Variants in RXYLT1 observed in about 807,000 individuals in gnomAD.
The protein encoded by RXYLT1 is ribitol xylosyltransferase 1, also known as ribitol-5-phosphate xylosyltransferase 1.
A neutral mutation model predicts 43.5 loss-of-function variants in RXYLT1; 41 were observed. The observed-to-expected ratio is 0.94, with a 90% confidence interval of 0.73 to 1.22. RXYLT1 has a LOEUF of 1.22. Among genes scored for constraint, RXYLT1 ranks in the 50% most tolerant of loss-of-function variants. The pLI, the probability that RXYLT1 is intolerant of heterozygous loss-of-function variation, is 0.00. For missense variants in RXYLT1, 514 were observed against 532.0 expected, an observed-to-expected ratio of 0.97 and a Z score of 0.33; for synonymous variants, 166 against 194.4, an observed-to-expected ratio of 0.85 and a Z score of 1.21.
chr12:63,800,565 T>A (rs534484490), intron 3 of RXYLT1, among the ~76,000 whole-genome samples: 1 of 152,228 alleles, frequency 6.6e-6, no homozygotes. Context: ...GCACTTAATA[T>A]GAAAAAAATG....
At chr12:63,807,491 C>CT (rs1282139236) in intron 5 of RXYLT1, 6 of 152,364 alleles carry the variant, frequency 3.9e-5, no homozygotes, top group Admixed American at 2.0e-4. Flanking sequence ...CTCCTACACT[C>CT]TAACACCTCC....
intron 2 of RXYLT1, among the ~76,000 whole-genome samples, chr12:63,782,209 GAC>G (rs1897701075): frequency 6.6e-6 from 1 of 151,740 alleles, no homozygotes; most frequent in South Asian, 2.1e-4. Flanking sequence ...CTATTCTCTA[GAC>G]ACAGTTATAA....
Position 63,802,406 on chromosome 12 carries a change from G to C in RXYLT1, c.743+1G>C. The stretch of plus-strand genomic sequence containing the variant: ...TTCAGTGGCCTTTAGGAGTAGCAAC[G>C]TAAGTACAAAATATGATTAAACATT... On this transcript the variant is annotated splice_donor_variant, in intron 4 of 5. Coordinates refer to ENST00000261234, the MANE Select transcript of RXYLT1 (RefSeq NM_014254.3). LOFTEE classifies it high-confidence loss of function. The C allele has an allele frequency of 1.9e-6, 3 of 1,558,812 alleles. No individual in the cohort carries two copies. The African/African-American group carries it at 4.2e-5, about 22-fold the overall frequency.
chr12:63,802,287 G>T lies in RXYLT1; in HGVS notation c.625G>T (p.Glu209Ter). The T allele has an allele frequency of 6.2e-7, 1 of 1,614,106 alleles. No individual in the cohort carries two copies. Among genetic ancestry groups the T allele is most frequent in the Non-Finnish European group, 8.5e-7 (1 of 1,180,004 alleles). ...VLLGNEHCDN[E>*]WINPFLKRNG... The stretch of plus-strand genomic sequence containing the variant: ...GCTCGGAAATGAACATTGTGATAAT[G>T]AGTGGATAAACCCATTCCTCAAAAG... The change falls in exon 4 of 6, where the codon GAG (glutamate) becomes TAG (stop). Residue 209 changes from glutamate to a stop codon, truncating the protein, a stop_gained. Coordinates refer to ENST00000261234, the MANE Select transcript of RXYLT1 (RefSeq NM_014254.3). LOFTEE classifies it high-confidence loss of function.
chr12:63,795,835 G>T (rs928493154), intron 3 of RXYLT1: 6 of 152,030 alleles, frequency 3.9e-5, no homozygotes, highest in African/African-American at 1.2e-4. Context: ...GGAAATTATT[G>T]TTTTTTAATA....
chr12:63,807,257 C>T (rs1179049829), intron 5 of RXYLT1: 1 of 152,180 alleles, frequency 6.6e-6, no homozygotes, highest in Non-Finnish European at 1.5e-5. Flanking sequence ...TTGCCTATAC[C>T]TTCAGCTCCC....
Position 63,805,348 on chromosome 12 carries a change from G to A in RXYLT1, c.858G>A (p.Met286Ile), listed in dbSNP as rs373899387. 1.3e-5 allele frequency: 21 copies of A among 1,610,840 alleles called. No homozygotes were observed. The highest frequency in any genetic ancestry group is 1.7e-5 in the Non-Finnish European group (20 of 1,179,022). The change falls in exon 5 of 6, where the codon ATG becomes ATA. Residue 286 changes from methionine to isoleucine, a missense_variant. Physicochemically the swap from Met to Ile is conservative, Grantham distance 10 (BLOSUM62 1). Coordinates refer to ENST00000261234, the MANE Select transcript of RXYLT1 (RefSeq NM_014254.3). The part of the protein sequence containing the change: ...IYENSSRQAL[M>I]NILKKDGNDK... ...AAAATTCATCCAGACAGGCACTAAT[G>A]AACATTTTGAAAAAAGATGGGAACG...
At chr12:63,808,557 C>A in intron 5 of RXYLT1, 118 bp from the exon 6 acceptor site, 1 of 1,134,526 alleles carries the variant, frequency 8.8e-7, no homozygotes. Flanking sequence ...TTATGCCTAT[C>A]ATCTCTATAA....
chr12:63,781,036 AG>A lies in RXYLT1; in HGVS notation c.188del (p.Ser63MetfsTer26). The A allele has an allele frequency of 6.2e-7, 1 of 1,600,588 alleles. No homozygotes were observed. Among genetic ancestry groups the A allele is most frequent in the Non-Finnish European group, 8.5e-7 (1 of 1,174,882 alleles). On this transcript the variant is annotated frameshift_variant, in exon 2 of 6. Coordinates refer to ENST00000261234, the MANE Select transcript of RXYLT1 (RefSeq NM_014254.3). LOFTEE classifies it high-confidence loss of function. ...RRGREQSTLE[S>X]EEWNPWEGDE... is the part of the protein sequence containing the mutation. ...TAAAACAGAACAGTCCACTTTGGAA[AG>A]TGAAGAATGGAATCCTTGGGAAGGA... is the stretch of plus-strand genomic sequence containing the variant.
At chr12:63,798,429 TAACA>T (rs1001802955) in intron 3 of RXYLT1, among the ~76,000 whole-genome samples, 5 of 152,256 alleles carry the variant, frequency 3.3e-5, no homozygotes, top group Non-Finnish European at 7.3e-5. Context: ...GCAGTTTGAC[TAACA>T]AACTTTCCAA....
rs760997364 is a variant in RXYLT1, at chr12:63,805,345, A to G, written c.855A>G (p.Leu285=). 9.9e-6 allele frequency: 16 copies of G among 1,611,914 alleles called. 1 individual carries two copies. In the South Asian group the frequency reaches 1.4e-4, roughly 14 times the overall value. Residue 285 remains leucine (L), a synonymous_variant, in exon 5 of 6, where the codon CTA becomes CTG. Coordinates refer to ENST00000261234, the MANE Select transcript of RXYLT1 (RefSeq NM_014254.3). ...ATGAAAATTCATCCAGACAGGCACT[A>G]ATGAACATTTTGAAAAAAGATGGGA... ...TIYENSSRQA[L]MNILKKDGND...
chr12:63,780,355 G>A, intron 1 of RXYLT1: 1 of 1,287,428 alleles, frequency 7.8e-7, no homozygotes, highest in Non-Finnish European at 9.8e-7. Flanking sequence ...CGATCCCAGG[G>A]GGTGACAGGC....
chr12:63,785,072 G>C lies in RXYLT1; in HGVS notation c.428G>C (p.Ser143Thr). The change falls in exon 3 of 6, where the codon AGC (serine) becomes ACC (threonine). Residue 143 changes from serine to threonine, a missense_variant and splice_region_variant. By Grantham distance (58) the Ser-to-Thr change is moderately conservative (BLOSUM62 1). Transcript: ENST00000261234. ...TCAATCGTAGGAAGAACACAGTACA[G>C]GTATTGGTTGTATTAGTTGTGCAAC... ...GKSIVGRTQY[S>T]FITGPAVIPG... 6.2e-7 allele frequency: 1 copy of C among 1,605,050 alleles called. No individual in the cohort carries two copies.
intron 3 of RXYLT1, among the ~76,000 whole-genome samples, chr12:63,792,845 A>G (rs764683225): frequency 1.3e-5 from 2 of 152,238 alleles, no homozygotes; most frequent in Non-Finnish European, 2.9e-5. Context: ...ATTAGTCCAC[A>G]TCATCTACAA....
intron 3 of RXYLT1, among the ~76,000 whole-genome samples, chr12:63,793,099 TTTAGAAATTC>T (rs1461524730): frequency 6.6e-6 from 1 of 152,250 alleles, no homozygotes; most frequent in Non-Finnish European, 1.5e-5. Flanking sequence ...TGGGGTCATT[TTTAGAAATTC>T]TTATCTATGC....
chr12:63,804,139 C>T (rs1456394085), intron 4 of RXYLT1: 2 of 152,212 alleles, frequency 1.3e-5, no homozygotes, highest in Non-Finnish European at 2.9e-5. Flanking sequence ...AGGCATGAGC[C>T]ACTGTGCCTG....
chr12:63,796,947 ATTTCTT>A (rs1565903939), intron 3 of RXYLT1, among the ~76,000 whole-genome samples: 1 of 146,972 alleles, frequency 6.8e-6, no homozygotes, highest in African/African-American at 2.5e-5. Context: ...AGAAAATTAT[ATTTCTT>A]TTTCTTTTTC....
intron 2 of RXYLT1, 47 bp downstream of exon 2, chr12:63,781,221 G>T: frequency 2.2e-6 from 3 of 1,353,414 alleles, no homozygotes; most frequent in Non-Finnish European, 2.9e-6. Flanking sequence ...ATTATAAAAT[G>T]TATTTTATTG....
intron 2 of RXYLT1, among the ~76,000 whole-genome samples, chr12:63,784,353 T>G (rs939718929): frequency 3.9e-5 from 6 of 152,148 alleles, no homozygotes; most frequent in Admixed American, 3.9e-4. Flanking sequence ...AGTGCCTCAT[T>G]GAGTAACACT....
Sources: allele counts gnomAD v4.1 joint callset (sites outside exome capture counted in the v4.1 genomes callset), GRCh38; gene constraint gnomAD v4.1.1; transcripts MANE v1.5; gene names NCBI Gene and HGNC (gene_info 2026-07-23, HGNC 2026-07-21).